LRCH1: variants seen among roughly 807,000 people sequenced by gnomAD.
The protein encoded by LRCH1 is leucine-rich repeat and calponin homology domain-containing protein 1.
A neutral mutation model predicts 94.9 loss-of-function variants in LRCH1; 23 were observed. The ratio of observed to expected loss-of-function variants is 0.24; its 90% CI spans 0.17 to 0.34. The LOEUF is 0.34. Ranked by LOEUF, LRCH1 falls within the 10% of genes least tolerant of loss-of-function variation. The pLI is 1.00. For synonymous variants in LRCH1, 364 were observed against 354.9 expected (o/e 1.03, Z -0.29); for missense variants, 790 against 945.9 (o/e 0.84, Z 2.16).
chr13:46,684,165 A>G (rs2138146515), intron 4 of LRCH1, among the ~76,000 whole-genome samples: 1 of 152,144 alleles, frequency 6.6e-6, no homozygotes, highest in South Asian at 2.1e-4. Flanking sequence ...ATAGCCATTC[A>G]TTGCCTCTCT....
chr13:46,630,072 T>C (rs896033280), intron 1 of LRCH1, among the ~76,000 whole-genome samples: 11 of 152,240 alleles, frequency 7.2e-5, no homozygotes, highest in Non-Finnish European at 1.6e-4. Context: ...ACAATTTTGA[T>C]GTCAATGGAC....
At chr13:46,679,529 C>T (rs1328181419) in intron 3 of LRCH1, among the ~76,000 whole-genome samples, 1 of 152,208 alleles carries the variant, frequency 6.6e-6, no homozygotes, top group Non-Finnish European at 1.5e-5. Flanking sequence ...CCTCCTAATT[C>T]TGTAATTACT....
At chr13:46,724,099 C>G (rs1428547329) in intron 17 of LRCH1, among the ~76,000 whole-genome samples, 1 of 152,256 alleles carries the variant, frequency 6.6e-6, no homozygotes, top group African/African-American at 2.4e-5. Flanking sequence ...AGTGATCCTC[C>G]CACCTCAGCC....
intron 1 of LRCH1, among the ~76,000 whole-genome samples, chr13:46,589,900 ATTT>A (rs113727855): frequency 2.2e-5 from 3 of 134,378 alleles, no homozygotes; most frequent in African/African-American, 2.7e-5. Context: ...TGTGCCTGGG[ATTT>A]TTTTTTTTTT....
chr13:46,652,558 T>C (rs2051321214), intron 2 of LRCH1, among the ~76,000 whole-genome samples: 1 of 152,230 alleles, frequency 6.6e-6, no homozygotes, highest in Admixed American at 6.5e-5. Context: ...TTTTGAATTT[T>C]CTTGCTGTTT....
chr13:46,729,374 C>A (rs988748832), intron 18 of LRCH1, among the ~76,000 whole-genome samples: 2 of 151,390 alleles, frequency 1.3e-5, no homozygotes, highest in African/African-American at 4.9e-5. Context: ...TAGAAAACTA[C>A]ACAATACAAA....
chr13:46,707,060 T>C lies in LRCH1; in HGVS notation c.1527+1756T>C, dbSNP rs192649632. The stretch of plus-strand genomic sequence containing the variant: ...ATGGTGATAACATATTTTCATCTAA[T>C]CTATCACCCATCCTCCAAATTTGTG... On this transcript the variant is annotated intron_variant, in intron 13 of 19. Transcript: ENST00000389797. Among the ~76,000 whole-genome samples the C allele has an allele frequency of 3.3e-3, 498 of 152,342 alleles. 4 individuals carry two copies. The highest frequency in any genetic ancestry group is 0.011 in the African/African-American group (469 of 41,580).
chr13:46,712,477 G>T, intron 14 of LRCH1, 48 bp from the exon 15 acceptor site: 1 of 1,407,114 alleles, frequency 7.1e-7, no homozygotes, highest in Non-Finnish European at 1.0e-6. Flanking sequence ...TAGTTCTTCT[G>T]TTTTCCTTTT....
chr13:46,729,109 A>G, intron 18 of LRCH1, 125 bp downstream of exon 18: 2 of 835,396 alleles, frequency 2.4e-6, no homozygotes, highest in Non-Finnish European at 3.4e-6. Context: ...GCCCCAAACC[A>G]TTATAAGGCA....
chr13:46,724,981 A>G (rs1209248057), intron 17 of LRCH1, among the ~76,000 whole-genome samples: 2 of 152,252 alleles, frequency 1.3e-5, no homozygotes, highest in African/African-American at 4.8e-5. Context: ...TGGATTGGAT[A>G]AAGAAAATGT....
At position 46,699,344 on chromosome 13, in the gene LRCH1, A is replaced by G. The variant is rs199879544; in HGVS notation, c.1254A>G (p.Ala418=). 127 of 1,613,916 alleles carry G rather than the reference A, an allele frequency of 7.9e-5. No homozygotes were observed. Among genetic ancestry groups the G allele is most frequent in the Non-Finnish European group, 1.0e-4 (122 of 1,179,878 alleles). The part of the protein sequence containing the change: ...HSEFMNYKAR[A]EDCEELLRIE... ...GTGTGTTTTGTCCACAGGCAAGGGCAGAAGACTGTGAAGAGCTGTTACGGA... is the reference window on the plus strand; with the variant it reads ...GTGTGTTTTGTCCACAGGCAAGGGCGGAAGACTGTGAAGAGCTGTTACGGA... Residue 418 remains alanine (A), a synonymous_variant, in exon 10 of 20, where the codon GCA becomes GCG. Transcript: ENST00000389797.
intron 8 of LRCH1, among the ~76,000 whole-genome samples, chr13:46,693,129 G>C (rs1871000600): frequency 6.6e-6 from 1 of 151,970 alleles, no homozygotes; most frequent in African/African-American, 2.4e-5. Flanking sequence ...CTGCCACCAT[G>C]CCCGGCTAAT....
chr13:46,575,906 G>A (rs940178396), intron 1 of LRCH1, among the ~76,000 whole-genome samples: 31 of 152,188 alleles, frequency 2.0e-4, no homozygotes, highest in Non-Finnish European at 4.3e-4. Flanking sequence ...CAGAGGGAGA[G>A]AGAATGAGCT....
At chr13:46,703,792 G>C (rs772304100) in intron 11 of LRCH1, among the ~76,000 whole-genome samples, 1 of 151,696 alleles carries the variant, frequency 6.6e-6, no homozygotes, top group Admixed American at 6.6e-5. Context: ...CACAATGTTT[G>C]GTCCCAATTA....
chr13:46,627,297 A>G (rs547977378), intron 1 of LRCH1, among the ~76,000 whole-genome samples: 2 of 152,306 alleles, frequency 1.3e-5, no homozygotes, highest in East Asian at 3.9e-4. Flanking sequence ...GTGTGATTCT[A>G]TATATGCCGG....
intron 2 of LRCH1, among the ~76,000 whole-genome samples, chr13:46,659,302 C>T (rs1216864): frequency 0.68 from 102,999 of 151,906 alleles, 35,125 homozygotes; most frequent in Middle Eastern, 0.74. Context: ...AAGCGATTCT[C>T]CTGCCTCAGC....
At position 46,743,371 on chromosome 13, in the gene LRCH1, T is replaced by TA. The variant is rs1374980866; in HGVS notation, c.*1524dup. 7.1e-5 allele frequency: 70 copies of TA among 985,650 alleles called. No individual in the cohort carries two copies. The African/African-American group carries it at 1.1e-3, about 16-fold the overall frequency. 61.1% of individuals were successfully genotyped at this position (985,650 alleles called of 1,614,324 possible). ...TTCTTTACATGACAGTATCTTGAGT[T>TA]ATGTGAGTTTTTTTTCCTCCTGACT... is the stretch of plus-strand genomic sequence containing the variant. On this transcript the variant is annotated 3_prime_UTR_variant, in exon 20 of 20. Transcript: ENST00000389797.
intron 4 of LRCH1, among the ~76,000 whole-genome samples, chr13:46,685,596 C>T (rs946106671): frequency 2.0e-5 from 3 of 151,734 alleles, no homozygotes; most frequent in Non-Finnish European, 2.9e-5. Flanking sequence ...TGTGATGTGG[C>T]TTGCGTGATT....
intron 3 of LRCH1, among the ~76,000 whole-genome samples, chr13:46,673,613 CA>C (rs1193661054): frequency 1.3e-5 from 2 of 152,214 alleles, no homozygotes; most frequent in African/African-American, 4.8e-5. Flanking sequence ...GCACCCCAAG[CA>C]TTCAGAATAC....
Sources: allele counts gnomAD v4.1 joint callset (sites outside exome capture counted in the v4.1 genomes callset), GRCh38; gene constraint gnomAD v4.1.1; transcripts MANE v1.5; gene names NCBI Gene and HGNC (gene_info 2026-07-23, HGNC 2026-07-21).